KHDRBS3: variants seen among roughly 807,000 people sequenced by gnomAD.
KHDRBS3 encodes the protein KH RNA binding domain containing, signal transduction associated 3.
KHDRBS3 carries 23 observed loss-of-function variants against 45.6 expected under a neutral mutation model. That is an observed-to-expected ratio of 0.50 (90% CI 0.36 to 0.72). KHDRBS3 has a LOEUF of 0.72. Among genes scored for constraint, KHDRBS3 ranks in the 30% least tolerant of loss-of-function variants. The pLI is 0.00. For missense variants in KHDRBS3, 352 were observed against 424.8 expected (o/e 0.83, Z 1.51); for synonymous variants, 162 against 156.5 (o/e 1.04, Z -0.26).
chr8:135,556,838 T>C (rs1236973299), intron 4 of KHDRBS3, among the ~76,000 whole-genome samples: 1 of 152,202 alleles, frequency 6.6e-6, no homozygotes, highest in East Asian at 1.9e-4. Flanking sequence ...CGTAGTTGAA[T>C]ATTTTGATAA....
chr8:135,585,043 G>A (rs1422351719), intron 6 of KHDRBS3, among the ~76,000 whole-genome samples: 1 of 147,604 alleles, frequency 6.8e-6, no homozygotes. Flanking sequence ...CCAACATGGT[G>A]AAACCTCATC....
intron 2 of KHDRBS3, among the ~76,000 whole-genome samples, chr8:135,531,010 G>A (rs531308024): frequency 1.3e-5 from 2 of 152,130 alleles, no homozygotes; most frequent in Admixed American, 6.6e-5. Context: ...TTTGTAGTCT[G>A]GGATTTTCTG....
intron 4 of KHDRBS3, among the ~76,000 whole-genome samples, chr8:135,555,647 C>T (rs1826841690): frequency 6.6e-6 from 1 of 152,132 alleles, no homozygotes; most frequent in South Asian, 2.1e-4. Context: ...GCAGTACCAG[C>T]TGCAGAAGAG....
At chr8:135,470,556 C>A (rs1268290321) in intron 1 of KHDRBS3, among the ~76,000 whole-genome samples, 1 of 150,546 alleles carries the variant, frequency 6.6e-6, no homozygotes, top group African/African-American at 2.4e-5. Flanking sequence ...CTTTTTCCCC[C>A]TTGGTCAGGG....
chr8:135,503,548 C>G (rs1823840551), intron 1 of KHDRBS3, among the ~76,000 whole-genome samples: 1 of 151,928 alleles, frequency 6.6e-6, no homozygotes, highest in Admixed American at 6.6e-5. Flanking sequence ...GTAGCTCTTT[C>G]ATGTTCTGAA....
At chr8:135,622,646 A>T (rs1421997702) in intron 7 of KHDRBS3, among the ~76,000 whole-genome samples, 2 of 152,246 alleles carry the variant, frequency 1.3e-5, no homozygotes, top group Non-Finnish European at 1.5e-5. Flanking sequence ...AAGATATGTT[A>T]GTATACCAGA....
intron 6 of KHDRBS3, among the ~76,000 whole-genome samples, chr8:135,592,244 T>C (rs1409952708): frequency 1.3e-5 from 2 of 152,182 alleles, no homozygotes; most frequent in Admixed American, 1.3e-4. Flanking sequence ...AGTTTTTTTT[T>C]TGGTTTTTGG....
At chr8:135,612,694 G>A (rs764293297) in intron 7 of KHDRBS3, among the ~76,000 whole-genome samples, 1 of 151,766 alleles carries the variant, frequency 6.6e-6, no homozygotes, top group Non-Finnish European at 1.5e-5. Context: ...TCCTTTTAGA[G>A]TACAAAGCTG....
intron 1 of KHDRBS3, among the ~76,000 whole-genome samples, chr8:135,505,235 A>G (rs1422823307): frequency 1.3e-5 from 2 of 152,206 alleles, no homozygotes; most frequent in Non-Finnish European, 2.9e-5. Context: ...GATGGGTCAT[A>G]CATGCCTGCG....
chr8:135,488,342 G>A (rs1312598537), intron 1 of KHDRBS3, among the ~76,000 whole-genome samples: 5 of 152,106 alleles, frequency 3.3e-5, no homozygotes, highest in Non-Finnish European at 5.9e-5. Context: ...AGCATTGTCA[G>A]GTATACGTGA....
intron 7 of KHDRBS3, among the ~76,000 whole-genome samples, chr8:135,639,185 A>C (rs1830952263): frequency 2.0e-5 from 3 of 152,172 alleles, no homozygotes; most frequent in Admixed American, 2.0e-4. Context: ...TGAAAAGTTT[A>C]AGAGGAGTAA....
intron 1 of KHDRBS3, among the ~76,000 whole-genome samples, chr8:135,519,093 A>G (rs1407230027): frequency 6.6e-6 from 1 of 152,202 alleles, no homozygotes; most frequent in African/African-American, 2.4e-5. Context: ...TTGGTGACTT[A>G]GTCTTTATCT....
intron 5 of KHDRBS3, among the ~76,000 whole-genome samples, chr8:135,570,423 A>C (rs1445037685): frequency 6.6e-6 from 1 of 152,210 alleles, no homozygotes; most frequent in Non-Finnish European, 1.5e-5. Flanking sequence ...AGGAAAACTG[A>C]ATAGTTAATA....
At chr8:135,588,513 T>G (rs1324299166) in intron 6 of KHDRBS3, among the ~76,000 whole-genome samples, 1 of 152,082 alleles carries the variant, frequency 6.6e-6, no homozygotes, top group Non-Finnish European at 1.5e-5. Flanking sequence ...CTCCCCTCCT[T>G]GGAGGTCAAA....
chr8:135,548,412 T>C (rs1826415116), intron 3 of KHDRBS3, among the ~76,000 whole-genome samples: 1 of 151,588 alleles, frequency 6.6e-6, no homozygotes, highest in Non-Finnish European at 1.5e-5. Flanking sequence ...ACAAAAGAAG[T>C]GTGGGCAGTG....
intron 7 of KHDRBS3, among the ~76,000 whole-genome samples, chr8:135,613,811 G>A (rs927997031): frequency 2.0e-5 from 3 of 151,636 alleles, no homozygotes; most frequent in Non-Finnish European, 4.4e-5. Flanking sequence ...CAGCAAGGCG[G>A]CCTGGCTACC....
intron 1 of KHDRBS3, among the ~76,000 whole-genome samples, chr8:135,468,836 C>T (rs916508577): frequency 5.3e-5 from 8 of 152,206 alleles, no homozygotes; most frequent in East Asian, 1.9e-4. Flanking sequence ...TTTTGGACAT[C>T]AGTCTCTTAT....
intron 1 of KHDRBS3, among the ~76,000 whole-genome samples, chr8:135,481,342 C>T (rs1822568868): frequency 6.7e-6 from 1 of 149,668 alleles, no homozygotes; most frequent in African/African-American, 2.5e-5. Flanking sequence ...CTTATGGACT[C>T]AGTTCAGGTG....
chr8:135,574,849 G>T (rs1374485893), intron 5 of KHDRBS3, among the ~76,000 whole-genome samples: 2 of 152,156 alleles, frequency 1.3e-5, no homozygotes, highest in Non-Finnish European at 2.9e-5. Context: ...GATTTTTATT[G>T]AGTCAGTAAA....
Sources: gnomAD v4.1 joint callset for allele counts (sites outside exome capture counted in the v4.1 genomes callset) on GRCh38, gnomAD v4.1.1 for gene constraint, MANE v1.5 for transcripts, NCBI Gene and HGNC (gene_info 2026-07-23, HGNC 2026-07-21) for gene names.